The following RPGRIP1 variants were observed in gnomAD, a reference collection of about 807,000 sequenced individuals.
RPGRIP1 encodes X-linked retinitis pigmentosa GTPase regulator-interacting protein 1.
RPGRIP1 carries 128 observed loss-of-function variants against 157.9 expected under a neutral mutation model. That is an observed-to-expected ratio of 0.81 (90% CI 0.70 to 0.94). RPGRIP1 has a LOEUF of 0.94. Ranked by LOEUF, RPGRIP1 falls within the 40% of genes least tolerant of loss-of-function variation. The pLI is 0.00. For missense variants in RPGRIP1, 1,486 were observed against 1,545.8 expected (o/e 0.96, Z 0.65); for synonymous variants, 554 against 571.6 (o/e 0.97, Z 0.44).
rs758436075 is a variant in RPGRIP1 at position 21,301,086 on chromosome 14, C to T, written c.339C>T (p.Leu113=). ...RGQKAGWRQR[L]SMHQRPQMHR... ...AGAAGGCGGGATGGCGGCAGCGCCT[C>T]TCCATGCACCAGCGCCCCCAGATGC... Residue 113 remains leucine (L), a synonymous_variant, in exon 4 of 25, where the codon CTC becomes CTT. Transcript: ENST00000400017. 1 of 1,612,618 alleles carries T rather than the reference C, an allele frequency of 6.2e-7. No homozygotes were observed. Among genetic ancestry groups the T allele is most frequent in the Non-Finnish European group, 8.5e-7 (1 of 1,179,406 alleles).
intron 10 of RPGRIP1, among the ~76,000 whole-genome samples, chr14:21,313,646 G>A (rs1360717003): frequency 6.6e-6 from 1 of 152,014 alleles, no homozygotes; most frequent in East Asian, 1.9e-4. Context: ...AAATTAGCCA[G>A]GCACAGTAGC....
intron 8 of RPGRIP1, chr14:21,311,063 A>G (rs1390646674): frequency 7.2e-6 from 3 of 417,792 alleles, no homozygotes; most frequent in African/African-American, 6.1e-5. Context: ...CAGAGTTCCA[A>G]ACGAGACCAC....
chr14:21,324,880 C>G lies in RPGRIP1; in HGVS notation c.2025C>G (p.Leu675=). Reference sequence around the variant, plus strand: ...CATTATCTGTGGGGCCACAGCCCCTCTATGACTTCACCTCCCAGTATGTGA... The same window carrying G: ...CATTATCTGTGGGGCCACAGCCCCTGTATGACTTCACCTCCCAGTATGTGA... ...CTPLSVGPQP[L]YDFTSQYVME... is the part of the protein sequence containing the mutation. The change falls in exon 15 of 25, where the codon CTC becomes CTG. Residue 675 remains leucine, a synonymous_variant. Coordinates refer to ENST00000400017, the MANE Select transcript of RPGRIP1 (RefSeq NM_020366.4). 6.2e-7 allele frequency: 1 copy of G among 1,614,066 alleles called. No individual in the cohort carries two copies. The highest frequency in any genetic ancestry group is 8.5e-7 in the Non-Finnish European group (1 of 1,179,900).
chr14:21,332,848 T>C (rs530566945), intron 20 of RPGRIP1, among the ~76,000 whole-genome samples: 3 of 152,326 alleles, frequency 2.0e-5, no homozygotes, highest in African/African-American at 7.2e-5. Flanking sequence ...GGCTTACACC[T>C]GTACTCCCAG....
intron 3 of RPGRIP1, among the ~76,000 whole-genome samples, chr14:21,297,834 A>ATTCATTCTTTCTTTCTTTCT (rs1880849229): frequency 7.5e-6 from 1 of 133,216 alleles, no homozygotes; most frequent in Non-Finnish European, 1.5e-5. Flanking sequence ...TCAATAAATT[A>ATTCATTCTTTCTTTCTTTCT]TTCTTTCTTT....
rs190246722 is a variant in RPGRIP1, at chr14:21,309,468, C to T, written c.907-1116C>T. On this transcript the variant is annotated intron_variant, in intron 7 of 24. Coordinates refer to ENST00000400017, the MANE Select transcript of RPGRIP1 (RefSeq NM_020366.4). The stretch of plus-strand genomic sequence containing the variant: ...CCAGGAGGCAGAGGTTGCAGTGAGC[C>T]GAGATCCCGATACGGCACCTCAGCG... Among the ~76,000 whole-genome samples the T allele has an allele frequency of 2.0e-5, 3 of 151,848 alleles. No homozygotes were observed. In the East Asian group the frequency reaches 5.8e-4, roughly 29 times the overall value.
At chr14:21,319,198 T>C (rs1882125522) in intron 11 of RPGRIP1, among the ~76,000 whole-genome samples, 1 of 152,148 alleles carries the variant, frequency 6.6e-6, no homozygotes, top group Non-Finnish European at 1.5e-5. Context: ...GGCAATCTAA[T>C]TTAATCCCTT....
intron 1 of RPGRIP1, among the ~76,000 whole-genome samples, chr14:21,287,124 G>A (rs1250175504): frequency 6.6e-6 from 1 of 151,940 alleles, no homozygotes; most frequent in Non-Finnish European, 1.5e-5. Context: ...GAGGCCAGGT[G>A]TGGTGGCTCA....
chr14:21,334,676 C>G lies in RPGRIP1; in HGVS notation c.3310C>G (p.Pro1104Ala), dbSNP rs373866085. ...TACCGACAGTGATGATGTCATAGTG[C>G]CACCCATGTCTCAGAAATATCCTAA... ...QTTDSDDVIV[P>A]PMSQKYPKAD... The change falls in exon 21 of 25, where the codon CCA becomes GCA. Residue 1104 changes from proline to alanine, a missense_variant. Pro to Ala is a conservative substitution (Grantham distance 27, BLOSUM62 -1). Transcript: ENST00000400017. 5.6e-6 allele frequency: 9 copies of G among 1,605,928 alleles called. No individual in the cohort carries two copies. The African/African-American group carries it at 1.1e-4, about 19-fold the overall frequency.
rs115060395 is a variant in RPGRIP1 at position 21,295,237 on chromosome 14, G to A, written c.218+428G>A. Among the ~76,000 whole-genome samples the A allele has an allele frequency of 5.5e-3, 838 of 152,130 alleles. 5 individuals are homozygous for A. Among genetic ancestry groups the A allele is most frequent in the African/African-American group, 0.019 (795 of 41,516 alleles). ...CACAGGACACAGAGCATCATTAAGA[G>A]CTTGGGTGATAATATTTCAGTCCAC... On this transcript the variant is annotated intron_variant, in intron 3 of 24. Coordinates refer to ENST00000400017, the MANE Select transcript of RPGRIP1 (RefSeq NM_020366.4).
chr14:21,290,500 C>T lies in RPGRIP1; in HGVS notation c.85+2439C>T, dbSNP rs887548467. Among the ~76,000 whole-genome samples, 4 of 152,160 alleles carry T rather than the reference C, an allele frequency of 2.6e-5. No individual in the cohort carries two copies. The South Asian group carries it at 6.2e-4, about 24-fold the overall frequency. ...ACTAGCCTGGTCAGAACAGTGAAAA[C>T]CCATCTATTCTAAAAATAGAAAAAG... On this transcript the variant is annotated intron_variant, in intron 2 of 24. Transcript: ENST00000400017.
intron 20 of RPGRIP1, among the ~76,000 whole-genome samples, chr14:21,332,675 A>T (rs1395241748): frequency 6.6e-6 from 1 of 152,218 alleles, no homozygotes; most frequent in Non-Finnish European, 1.5e-5. Flanking sequence ...AATGTGAAAT[A>T]TGGGACCAGA....
At chr14:21,317,874 T>A in intron 11 of RPGRIP1, 24 bp downstream of exon 11, 2 of 1,580,550 alleles carry the variant, frequency 1.3e-6, no homozygotes, top group Non-Finnish European at 1.7e-6. Context: ...TGAAGAGCTC[T>A]CTCAAATGTG....
intron 23 of RPGRIP1, among the ~76,000 whole-genome samples, chr14:21,345,721 T>G (rs552626742): frequency 6.6e-6 from 1 of 152,190 alleles, no homozygotes; most frequent in African/African-American, 2.4e-5. Context: ...CTTATAGGTT[T>G]AGTTCATTTC....
intron 15 of RPGRIP1, 39 bp from the exon 16 acceptor site, chr14:21,325,193 A>G: frequency 1.9e-6 from 3 of 1,568,880 alleles, no homozygotes; most frequent in Non-Finnish European, 2.6e-6. Flanking sequence ...TTGCCACACC[A>G]TCTGTATTCC....
At chr14:21,301,352 C>G in intron 4 of RPGRIP1, 115 bp downstream of exon 4, 1 of 1,107,768 alleles carries the variant, frequency 9.0e-7, no homozygotes, top group South Asian at 1.5e-5. Context: ...TTCTTTTGTT[C>G]TCACTCCCTC....
chr14:21,306,424 C>A (rs1279694308), intron 6 of RPGRIP1, among the ~76,000 whole-genome samples: 1 of 151,130 alleles, frequency 6.6e-6, no homozygotes, highest in East Asian at 1.9e-4. Context: ...TGAGCCCCTG[C>A]GCCCAGCCTA....
At chr14:21,281,504 C>T (rs1045012176) in intron 1 of RPGRIP1, among the ~76,000 whole-genome samples, 5 of 151,520 alleles carry the variant, frequency 3.3e-5, no homozygotes, top group Non-Finnish European at 5.9e-5. Flanking sequence ...GTCTGGCCAA[C>T]ATGGCAAAAC....
At chr14:21,330,175 G>A in intron 19 of RPGRIP1, 74 bp from the exon 20 acceptor site, 1 of 1,012,210 alleles carries the variant, frequency 9.9e-7, no homozygotes, top group Non-Finnish European at 1.4e-6. Flanking sequence ...TTAAAAAGAA[G>A]GCAGGAAGGA....
Sources: gnomAD v4.1 joint callset for allele counts (sites outside exome capture counted in the v4.1 genomes callset) on GRCh38, gnomAD v4.1.1 for gene constraint, MANE v1.5 for transcripts, NCBI Gene and HGNC (gene_info 2026-07-23, HGNC 2026-07-21) for gene names.